Variants in MTCL1 observed in about 807,000 individuals in gnomAD.
MTCL1 encodes microtubule crosslinking factor 1.
In MTCL1, 79 loss-of-function variants were observed where a neutral mutation model predicts 141.4. The ratio of observed to expected loss-of-function variants is 0.56; its 90% CI spans 0.47 to 0.67. MTCL1 has a LOEUF of 0.67. Ranked by LOEUF, MTCL1 falls within the 30% of genes least tolerant of loss-of-function variation. MTCL1 has a pLI of 0.00. For missense variants in MTCL1, 2,177 were observed against 2,113.9 expected, an observed-to-expected ratio of 1.03 and a Z score of -0.59; for synonymous variants, 914 against 875.8, an observed-to-expected ratio of 1.04 and a Z score of -0.77.
chr18:8,754,421 T>C (rs1418081341), intron 4 of MTCL1, among the ~76,000 whole-genome samples: 1 of 152,190 alleles, frequency 6.6e-6, no homozygotes, highest in East Asian at 1.9e-4. Flanking sequence ...TGTGTATAAG[T>C]GTATAATACT....
intron 16 of MTCL1, chr18:8,829,754 A>C: frequency 6.1e-6 from 6 of 985,332 alleles, no homozygotes; most frequent in Non-Finnish European, 7.2e-6. Context: ...CAATTCCCAG[A>C]AACGTGCTAC....
intron 4 of MTCL1, among the ~76,000 whole-genome samples, chr18:8,769,753 C>T (rs1444511038): frequency 6.6e-6 from 1 of 152,212 alleles, no homozygotes; most frequent in East Asian, 1.9e-4. Flanking sequence ...GAACCATGCT[C>T]TGGCTCATGG....
In MTCL1 at chr18:8,810,549, C is replaced by G. The variant is rs925426425; in HGVS notation, c.2605-2430C>G. 2.8e-4 allele frequency among the ~76,000 whole-genome samples: 43 copies of G among 152,278 alleles called. No individual in the cohort carries two copies. The highest frequency in any genetic ancestry group is 3.4e-3 in the Middle Eastern group (1 of 294). ...AAGGGGTACGCTGCATGAGGAGATT[C>G]TAAAGAGAGGACCTGTTGGTTGCTG... On this transcript the variant is annotated intron_variant, in intron 11 of 16. Coordinates refer to ENST00000359865, the Ensembl canonical transcript of MTCL1. The surrounding 1 kb of genome is among the most constrained non-coding windows in gnomAD (Gnocchi z 5.0).
chr18:8,732,770 C>A lies in MTCL1; in HGVS notation c.357+12274C>A, dbSNP rs1598425743. The stretch of plus-strand genomic sequence containing the variant: ...GACCCCAGGTGCTGGCAGGGTGCCG[C>A]TCCCCATGGCTGTTTGTACAGGGTG... On this transcript the variant is annotated intron_variant, in intron 4 of 16. Coordinates refer to ENST00000359865, the Ensembl canonical transcript of MTCL1. Among the ~76,000 whole-genome samples, 6 of 152,176 alleles carry A rather than the reference C, an allele frequency of 3.9e-5. No homozygotes were observed. In the South Asian group the frequency reaches 1.2e-3, roughly 32 times the overall value.
intron 7 of MTCL1, chr18:8,789,470 T>C: frequency 1.0e-6 from 1 of 985,472 alleles, no homozygotes; most frequent in Non-Finnish European, 1.2e-6. Flanking sequence ...AGTTATCTTC[T>C]TAAGTGTGGG....
chr18:8,786,297 C>G (rs1485567672), intron 7 of MTCL1: 1 of 713,904 alleles, frequency 1.4e-6, no homozygotes, highest in South Asian at 1.5e-5. Context: ...AACTGCTGTG[C>G]TCGTCAGACA....
rs573471335 is a variant in MTCL1, at chr18:8,798,231, G to A, written c.2376G>A (p.Val792=). The change falls in exon 10 of 17, where the codon GTG becomes GTA. Residue 792 remains valine (V), a synonymous_variant. Coordinates refer to ENST00000359865, the Ensembl canonical transcript of MTCL1. Reference sequence around the variant, plus strand: ...GGGAGCACTCCCCACACTCCCGGGTGCAGATTGGAGATCACAGCTTGCGGC... The same window carrying A: ...GGGAGCACTCCCCACACTCCCGGGTACAGATTGGAGATCACAGCTTGCGGC... 2.5e-6 allele frequency: 4 copies of A among 1,592,126 alleles called. No individual in the cohort carries two copies. In the East Asian group the frequency reaches 7.0e-5, roughly 28 times the overall value.
At chr18:8,753,603 G>A (rs1328552904) in intron 4 of MTCL1, among the ~76,000 whole-genome samples, 1 of 152,226 alleles carries the variant, frequency 6.6e-6, no homozygotes, top group Non-Finnish European at 1.5e-5. Context: ...ACATCAGAGA[G>A]CCCCTGATGT....
chr18:8,813,300 G>A, intron 12 of MTCL1, 67 bp downstream of exon 11: 1 of 1,530,210 alleles, frequency 6.5e-7, no homozygotes, highest in South Asian at 1.2e-5. Flanking sequence ...GACCCAGAAA[G>A]CAAAAGCACT....
At chr18:8,714,818 G>T (rs555800646), upstream of MTCL1, among the ~76,000 whole-genome samples, 5 of 151,318 alleles carry the variant, frequency 3.3e-5, no homozygotes, top group African/African-American at 1.2e-4. Context: ...TTTTTTTGAG[G>T]TGGAGTCTCA....
chr18:8,727,137 CT>C (rs1490848793), intron 4 of MTCL1, among the ~76,000 whole-genome samples: 2 of 152,138 alleles, frequency 1.3e-5, no homozygotes, highest in East Asian at 3.8e-4. Flanking sequence ...GGGTTTCATT[CT>C]TTTTTATTGC....
At chr18:8,812,951 G>A (rs754251874) in intron 11 of MTCL1, 28 bp from the exon 11 acceptor site, 1 of 1,589,562 alleles carries the variant, frequency 6.3e-7, no homozygotes, top group South Asian at 1.1e-5. Context: ...GTCAGAGAGG[G>A]AATTCCTAAG....
chr18:8,823,129 C>A (rs567817732), intron 14 of MTCL1, among the ~76,000 whole-genome samples: 3 of 152,268 alleles, frequency 2.0e-5, no homozygotes, highest in African/African-American at 7.2e-5. Flanking sequence ...TCTGACTGCC[C>A]GGTATGTTTC....
exon 6 of MTCL1, chr18:8,783,707 C>T (rs748250990): frequency 3.4e-5 from 55 of 1,604,826 alleles, no homozygotes; most frequent in Non-Finnish European, 4.5e-5. Context: ...AGCAGGCGGG[C>T]CCCCCAGCAC....
At chr18:8,731,948 A>G (rs551555283) in intron 4 of MTCL1, among the ~76,000 whole-genome samples, 1 of 152,226 alleles carries the variant, frequency 6.6e-6, no homozygotes, top group East Asian at 1.9e-4. Context: ...ACCTCAAGTG[A>G]TCCACCTGTC....
intron 4 of MTCL1, among the ~76,000 whole-genome samples, chr18:8,726,140 T>A (rs1328799665): frequency 6.6e-6 from 1 of 152,092 alleles, no homozygotes; most frequent in Non-Finnish European, 1.5e-5. Context: ...TTCCTTGTGA[T>A]GAGTTATTCC....
intron 4 of MTCL1, among the ~76,000 whole-genome samples, chr18:8,775,407 C>CT (rs2096502839): frequency 7.8e-6 from 1 of 127,664 alleles, no homozygotes; most frequent in African/African-American, 3.2e-5. Context: ...CTCGTCTCTA[C>CT]TAAAAAAAAA....
At chr18:8,819,129 C>A in exon 13 of MTCL1, 1 of 1,614,266 alleles carries the variant, frequency 6.2e-7, no homozygotes, top group East Asian at 2.2e-5. Context: ...CGGCCGCTGT[C>A]CAAGCTGAAG....
intron 4 of MTCL1, among the ~76,000 whole-genome samples, chr18:8,770,696 G>C (rs1381153686): frequency 6.6e-6 from 1 of 152,176 alleles, no homozygotes; most frequent in African/African-American, 2.4e-5. Context: ...TTAGCATTGT[G>C]CCTGGCATGA....
Sources: gnomAD v4.1 joint callset for allele counts (sites outside exome capture counted in the v4.1 genomes callset) on GRCh38, gnomAD v4.1.1 for gene constraint, Gnocchi (gnomAD v3.1) non-coding constraint, MANE v1.5 for transcripts, NCBI Gene and HGNC (gene_info 2026-07-23, HGNC 2026-07-21) for gene names.